Variants in PKD1L1 observed in about 807,000 individuals in gnomAD.
PKD1L1 encodes the protein polycystin-1-like protein 1.
In PKD1L1, 236 loss-of-function variants were observed where a neutral mutation model predicts 323.4. That is an observed-to-expected ratio of 0.73 (90% CI 0.66 to 0.81). The LOEUF is 0.81. PKD1L1 is among the 40% of genes least tolerant of loss of function. The probability of loss-of-function intolerance (pLI) is 0.00; values close to 1 mark genes in which losing one functional copy is unlikely to be tolerated. For synonymous variants in PKD1L1, 1,344 were observed against 1,335.0 expected, an observed-to-expected ratio of 1.01 and a Z score of -0.15; for missense variants, 3,320 against 3,508.0, an observed-to-expected ratio of 0.95 and a Z score of 1.35.
At chr7:47,794,582 A>G (rs1158588159) in intron 55 of PKD1L1, among the ~76,000 whole-genome samples, 1 of 152,174 alleles carries the variant, frequency 6.6e-6, no homozygotes, top group Non-Finnish European at 1.5e-5. Context: ...CTTATGGAGA[A>G]CTGCTAGGGC....
intron 3 of PKD1L1, among the ~76,000 whole-genome samples, chr7:47,938,461 C>T (rs1011090468): frequency 5.9e-5 from 9 of 152,174 alleles, no homozygotes; most frequent in African/African-American, 1.7e-4. Flanking sequence ...GCTGCATGTA[C>T]CTACAACCCC....
intron 24 of PKD1L1, among the ~76,000 whole-genome samples, chr7:47,873,114 A>G (rs1681468347): frequency 6.6e-6 from 1 of 152,200 alleles, no homozygotes; most frequent in South Asian, 2.1e-4. Flanking sequence ...CAGAATCAGC[A>G]AACCTGTAGA....
intron 23 of PKD1L1, 80 bp downstream of exon 23, chr7:47,876,017 T>A: frequency 6.7e-7 from 1 of 1,490,234 alleles, no homozygotes; most frequent in Non-Finnish European, 9.1e-7. Flanking sequence ...TAGACACAGT[T>A]TAGTTTTTGA....
chr7:47,949,979 T>C (rs960432740), upstream of PKD1L1, among the ~76,000 whole-genome samples: 9 of 152,220 alleles, frequency 5.9e-5, no homozygotes, highest in Admixed American at 1.3e-4. Flanking sequence ...TCAGTGCCTC[T>C]GGCTTTGTCC....
Position 47,929,304 on chromosome 7 carries a change from G to A in PKD1L1, c.960C>T (p.Leu320=). The change falls in exon 7 of 57, where the codon CTC becomes CTT. Residue 320 remains leucine, a synonymous_variant. Coordinates refer to ENST00000289672, the MANE Select transcript of PKD1L1 (RefSeq NM_138295.5). ...TGTCCCCGAAATCCATCATCAGACA[G>A]AGAGCCTCTCCAGAAGCCATATGAA... The part of the protein sequence containing the change: ...FRVHMASGEA[L]CLMMDFGDSS... 1 of 1,614,186 alleles carries A rather than the reference G, an allele frequency of 6.2e-7. No homozygotes were observed. The highest frequency in any genetic ancestry group is 1.1e-5 in the South Asian group (1 of 91,082).
intron 12 of PKD1L1, 78 bp downstream of exon 12, chr7:47,904,300 A>C: frequency 6.3e-7 from 1 of 1,583,720 alleles, no homozygotes; most frequent in South Asian, 1.1e-5. Context: ...CTCTATGTGG[A>C]ACCCAAGGGC....
chr7:47,879,182 A>T (rs1160517977), intron 21 of PKD1L1, among the ~76,000 whole-genome samples: 1 of 152,178 alleles, frequency 6.6e-6, no homozygotes, highest in Non-Finnish European at 1.5e-5. Context: ...CAGGGATCTC[A>T]TTGAGCCCAG....
At position 47,800,912 on chromosome 7, in the gene PKD1L1, T is replaced by C. The variant is rs1466203; in HGVS notation, c.7963-33A>G. The C allele has an allele frequency of 0.86, 1,350,297 of 1,574,214 alleles. 579,794 individuals are homozygous for C. The highest frequency in any genetic ancestry group is 0.94 in the East Asian group (42,019 of 44,624). The stretch of plus-strand genomic sequence containing the variant: ...AAGAAAATCCAGAGAGCACTGACCT[T>C]GTCACCTCTTCTTAGGAGTGGAAGA... On this transcript the variant is annotated intron_variant, in intron 53 of 56. Coordinates refer to ENST00000289672, the MANE Select transcript of PKD1L1 (RefSeq NM_138295.5).
intron 40 of PKD1L1, among the ~76,000 whole-genome samples, 189 bp downstream of exon 40, chr7:47,834,150 G>A (rs1358342087): frequency 0.012 from 1 of 86 alleles, no homozygotes; most frequent in Non-Finnish European, 0.025. Flanking sequence ...CTGGGAAACG[G>A]GACCTCCCTC....
intron 56 of PKD1L1, among the ~76,000 whole-genome samples, chr7:47,782,808 G>C (rs1052229225): frequency 6.6e-6 from 1 of 152,116 alleles, no homozygotes; most frequent in African/African-American, 2.4e-5. Flanking sequence ...TCAATTAATT[G>C]TCAAGCCTTT....
In PKD1L1 at chr7:47,830,350, G is replaced by A. The variant is rs565551706; in HGVS notation, c.6474-226C>T. 8.5e-5 allele frequency among the ~76,000 whole-genome samples: 13 copies of A among 152,364 alleles called. No individual in the cohort carries two copies. The East Asian group carries it at 2.3e-3, about 27-fold the overall frequency. ...CGACCTCCCTGAAGCTGCCTAGTGGGAAAGAGAAAGGAAAACCCAACAGGC... is the reference window on the plus strand; with the variant it reads ...CGACCTCCCTGAAGCTGCCTAGTGGAAAAGAGAAAGGAAAACCCAACAGGC... On this transcript the variant is annotated intron_variant, in intron 42 of 56. Coordinates refer to ENST00000289672, the MANE Select transcript of PKD1L1 (RefSeq NM_138295.5).
chr7:47,822,164 T>C (rs1002121087), intron 45 of PKD1L1, among the ~76,000 whole-genome samples: 8 of 152,220 alleles, frequency 5.3e-5, no homozygotes, highest in African/African-American at 1.9e-4. Context: ...TGCAGCTGTA[T>C]AGTATGTCTT....
At chr7:47,960,394 ACTGTAAAAAAG>A in the PKD1L1 span, among the ~76,000 whole-genome samples, 2 of 112,366 alleles carry the variant, frequency 1.8e-5, no homozygotes, top group African/African-American at 3.0e-5. Flanking sequence ...AAAAAAAAAA[ACTGTAAAAAAG>A]AAAAAAAAAG....
At position 47,884,619 on chromosome 7, in the gene PKD1L1, G is replaced by A; in HGVS notation, c.3244C>T (p.Pro1082Ser). Residue 1082 changes from proline (P) to serine (S), a missense_variant, in exon 19 of 57, where the codon CCA becomes TCA. By Grantham distance (74) the Pro-to-Ser change is moderately conservative. Transcript: ENST00000289672. Reference protein sequence around the residue: ...AYYSDIQEAIPSGGRQPAKDT... With the variant: ...AYYSDIQEAISSGGRQPAKDT... ...TCACCTGGCTGTCTTCCTCCCGATGGTATTGCTTCTTGAATGTCACTGTAA... is the reference window on the plus strand; with the variant it reads ...TCACCTGGCTGTCTTCCTCCCGATGATATTGCTTCTTGAATGTCACTGTAA... 6.2e-7 allele frequency: 1 copy of A among 1,613,950 alleles called. No individual in the cohort carries two copies. The highest frequency in any genetic ancestry group is 8.5e-7 in the Non-Finnish European group (1 of 1,179,866).
Position 47,800,832 on chromosome 7 carries a change from A to G in PKD1L1, c.8010T>C (p.Phe2670=), listed in dbSNP as rs759933818. The change falls in exon 54 of 57, where the codon TTT becomes TTC. Residue 2670 remains phenylalanine (F), a synonymous_variant. Coordinates refer to ENST00000289672, the MANE Select transcript of PKD1L1 (RefSeq NM_138295.5). ...MLAALSHLHR[F]LLSMWVLPPG... ...GTGGTAGAACCCACATAGAGAGCAG[A>G]AATCGGTGCAGGTGGGAGAGGGCGG... 2 of 1,614,106 alleles carry G rather than the reference A, an allele frequency of 1.2e-6. No homozygotes were observed. The highest frequency in any genetic ancestry group is 4.5e-5 in the East Asian group (2 of 44,878).
intron 21 of PKD1L1, among the ~76,000 whole-genome samples, chr7:47,878,832 C>T (rs369263510): frequency 4.6e-5 from 7 of 152,120 alleles, no homozygotes; most frequent in African/African-American, 1.7e-4. Flanking sequence ...TGCAAGGCTG[C>T]GGGAGAGAAG....
rs546028353 is a variant in PKD1L1, at chr7:47,889,210, T to C, written c.2676-1060A>G. On this transcript the variant is annotated intron_variant, in intron 16 of 56. Transcript: ENST00000289672. The stretch of plus-strand genomic sequence containing the variant: ...AGACCTCCTGGGGACATCATCCACA[T>C]AGGCCTGGACCTTCCTGACAGGATC... Among the ~76,000 whole-genome samples the C allele has an allele frequency of 5.4e-4, 83 of 152,294 alleles. 3 individuals are homozygous for C. In the South Asian group the frequency reaches 0.017, roughly 31 times the overall value.
chr7:47,915,776 G>A (rs1787415827), intron 7 of PKD1L1, among the ~76,000 whole-genome samples, 177 bp from the exon 8 acceptor site: 2 of 151,980 alleles, frequency 1.3e-5, no homozygotes, highest in South Asian at 4.2e-4. Flanking sequence ...AGAAAATACA[G>A]ATGCCAATTA....
intron 3 of PKD1L1, among the ~76,000 whole-genome samples, chr7:47,938,237 C>T (rs1042655098): frequency 2.0e-5 from 3 of 152,170 alleles, no homozygotes; most frequent in African/African-American, 7.2e-5. Context: ...AACTACAGGA[C>T]ATCAGGTGCT....
Sources: gnomAD v4.1 joint callset for allele counts (sites outside exome capture counted in the v4.1 genomes callset) on GRCh38, gnomAD v4.1.1 for gene constraint, MANE v1.5 for transcripts, NCBI Gene and HGNC (gene_info 2026-07-23, HGNC 2026-07-21) for gene names.